Variants in HCN2 observed in about 807,000 individuals in gnomAD.
HCN2 encodes the protein potassium/sodium hyperpolarization-activated cyclic nucleotide-gated channel 2.
In HCN2, 20 loss-of-function variants were observed where a neutral mutation model predicts 52.3. The ratio of observed to expected loss-of-function variants is 0.38; its 90% CI spans 0.27 to 0.56. The LOEUF (loss-of-function observed/expected upper bound fraction) is 0.56, where lower values mean the gene tolerates loss of function less well. HCN2 is among the 20% of genes least tolerant of loss of function. The pLI is 0.71. For missense variants in HCN2, 981 were observed against 1,207.7 expected (o/e 0.81, Z 2.78); for synonymous variants, 694 against 537.0 (o/e 1.29, Z -4.04).
chr19:596,079 G>A (rs375953542), intron 1 of HCN2, among the ~76,000 whole-genome samples: 4 of 152,232 alleles, frequency 2.6e-5, no homozygotes, highest in Non-Finnish European at 4.4e-5. Context: ...TGGTGTCCTC[G>A]TGGGGTTTGG....
chr19:598,074 C>T (rs1441141702), intron 1 of HCN2, among the ~76,000 whole-genome samples: 1 of 152,154 alleles, frequency 6.6e-6, no homozygotes, highest in African/African-American at 2.4e-5. Context: ...ACGGTGAGCC[C>T]CCTCGGGGCT....
Position 615,725 on chromosome 19 carries a change from G to C in HCN2, c.1991-70G>C. ...ACTGTGTGCGCACCCGCGGTGCAGA[G>C]TAGGTGCTCGGTGCCCGCTGTACGC... is the stretch of plus-strand genomic sequence containing the variant. On this transcript the variant is annotated intron_variant, in intron 7 of 7. Transcript: ENST00000251287. 5.3e-6 allele frequency: 8 copies of C among 1,514,184 alleles called. No homozygotes were observed. In the South Asian group the frequency reaches 9.0e-5, roughly 17 times the overall value. 93.8% of individuals were successfully genotyped at this position (1,514,184 alleles called of 1,614,324 possible).
rs1397505754 is a variant in HCN2 at position 610,254 on chromosome 19, C to T, written c.1438-5C>T. 2 of 1,612,992 alleles carry T rather than the reference C, an allele frequency of 1.2e-6. No individual in the cohort carries two copies. Among genetic ancestry groups the T allele is most frequent in the Admixed American group, 1.7e-5 (1 of 59,990 alleles). ...GTCTGACCCAGCCTCGCCTCCTCCCCACAGTACAAGCAGGTGGAGCAGTAC... is the reference window on the plus strand; with the variant it reads ...GTCTGACCCAGCCTCGCCTCCTCCCTACAGTACAAGCAGGTGGAGCAGTAC... On this transcript the variant is annotated splice_polypyrimidine_tract_variant and splice_region_variant and intron_variant, in intron 4 of 7. Transcript: ENST00000251287.
intron 7 of HCN2, among the ~76,000 whole-genome samples, chr19:614,581 G>A (rs1316158038): frequency 6.6e-6 from 1 of 152,188 alleles, no homozygotes; most frequent in Non-Finnish European, 1.5e-5. Context: ...CACATCCCAA[G>A]GCCCTGAGGT....
chr19:605,053 T>C lies in HCN2; in HGVS notation c.1057-8T>C. 1.2e-6 allele frequency: 2 copies of C among 1,607,416 alleles called. No individual in the cohort carries two copies. Among genetic ancestry groups the C allele is most frequent in the Non-Finnish European group, 1.7e-6 (2 of 1,176,684 alleles). On this transcript the variant is annotated splice_polypyrimidine_tract_variant and splice_region_variant and intron_variant, in intron 2 of 7. Transcript: ENST00000251287. ...CGGGTAGGGTGGGCTCACGGCGCCT[T>C]CCTGCAGATCTTCCACATGACCTAT...
At chr19:612,777 T>C (rs1160461880) in intron 5 of HCN2, among the ~76,000 whole-genome samples, 6 of 149,700 alleles carry the variant, frequency 4.0e-5, no homozygotes, top group Admixed American at 6.7e-5. Flanking sequence ...GCGCTCAGGC[T>C]GGAGGGCAGT....
At chr19:600,465 C>T (rs1055754196) in intron 1 of HCN2, among the ~76,000 whole-genome samples, 50 of 152,254 alleles carry the variant, frequency 3.3e-4, no homozygotes, top group African/African-American at 1.9e-4. Flanking sequence ...CTCAGCCTCC[C>T]GAGTAGCTGG....
chr19:590,276 CCCGCGGGGCCCGAGG>C lies in HCN2; in HGVS notation c.332_346del (p.Pro111_Gly116delinsArg). 1.0e-5 allele frequency: 10 copies of C among 987,626 alleles called. No homozygotes were observed. Among genetic ancestry groups the C allele is most frequent in the Non-Finnish European group, 1.2e-5 (10 of 833,376 alleles). The allele number at this position is 987,626 out of a possible 1,614,324, so 61.2% of individuals were successfully genotyped here. A position where few individuals can be genotyped will look rare whatever the true frequency, so the allele number is the denominator to read the frequency against. On this transcript the variant is annotated inframe_deletion, in exon 1 of 8. Coordinates refer to ENST00000251287, the MANE Select transcript of HCN2 (RefSeq NM_001194.4). This position sits in a 1 kb window ranked among gnomAD's most constrained non-coding sequence, Gnocchi z 7.2. ...CGGGCGCGGCGAGCCGCAGTGCAGC[CCCGCGGGGCCCGAGG>C]GCCCGGCGCGGGGGCCCAAGGTGTC...
rs769756694 is a variant in HCN2 at position 615,775 on chromosome 19, T to A, written c.1991-20T>A. On this transcript the variant is annotated intron_variant, in intron 7 of 7. Coordinates refer to ENST00000251287, the MANE Select transcript of HCN2 (RefSeq NM_001194.4). Reference sequence around the variant, plus strand: ...CAGCAGGCGCTCCCTGTGCACACGCTAACGCCCCCTCTCCCGCAGGCAAGA... The same window carrying A: ...CAGCAGGCGCTCCCTGTGCACACGCAAACGCCCCCTCTCCCGCAGGCAAGA... 5 of 1,609,888 alleles carry A rather than the reference T, an allele frequency of 3.1e-6. No individual in the cohort carries two copies. In the East Asian group the frequency reaches 1.1e-4, roughly 36 times the overall value.
chr19:613,615 GGGGATGGGGATGGGGATGGGGCCGGGGAT>G, intron 6 of HCN2, 127 bp downstream of exon 6: 1 of 130,868 alleles, frequency 7.6e-6, no homozygotes, highest in East Asian at 1.2e-4. Flanking sequence ...GGCCGGGGAT[GGGGATGGGGATGGGGATGGGGCCGGGGAT>G]GGGGATGGGG....
chr19:612,504 C>T (rs1189722072), intron 5 of HCN2, among the ~76,000 whole-genome samples: 1 of 151,882 alleles, frequency 6.6e-6, no homozygotes, highest in African/African-American at 2.4e-5. Context: ...TAACCTCCTC[C>T]TCCCGGGTTC....
rs145575878 is a variant in HCN2 at position 613,976 on chromosome 19, C to G, written c.1950C>G (p.Arg650=). The change falls in exon 7 of 8, where the codon CGC becomes CGG. Residue 650 remains arginine (R), a synonymous_variant. Coordinates refer to ENST00000251287, the MANE Select transcript of HCN2 (RefSeq NM_001194.4). ...EVLEEYPMMR[R]AFETVAIDRL... ...TGGAGGAGTACCCCATGATGCGGCGCGCCTTCGAGACGGTGGCCATCGACC... is the reference window on the plus strand; with the variant it reads ...TGGAGGAGTACCCCATGATGCGGCGGGCCTTCGAGACGGTGGCCATCGACC... 6 of 1,599,430 alleles carry G rather than the reference C, an allele frequency of 3.8e-6. No homozygotes were observed. Among genetic ancestry groups the G allele is most frequent in the East Asian group, 2.3e-5 (1 of 44,406 alleles).
Position 604,048 on chromosome 19 carries a change from G to A in HCN2, c.1056+81G>A, listed in dbSNP as rs564460148. 5.7e-4 allele frequency: 640 copies of A among 1,120,974 alleles called. 9 individuals carry two copies. Among genetic ancestry groups the A allele is most frequent in the Middle Eastern group, 3.7e-3 (12 of 3,236 alleles). The allele number at this position is 1,120,974 out of a possible 1,614,324, so 69.4% of individuals were successfully genotyped here. On this transcript the variant is annotated intron_variant, in intron 2 of 7. Coordinates refer to ENST00000251287, the MANE Select transcript of HCN2 (RefSeq NM_001194.4). The stretch of plus-strand genomic sequence containing the variant: ...TGGGCGGGGCCAAGGCAGCAGGGGC[G>A]GGGCTATAATGGTGCATGGGTGGGG...
chr19:608,109 A>T lies in HCN2; in HGVS notation c.1364A>T (p.Tyr455Phe), dbSNP rs1275953983. 6.2e-7 allele frequency: 1 copy of T among 1,613,290 alleles called. No homozygotes were observed. Among genetic ancestry groups the T allele is most frequent in the East Asian group, 2.2e-5 (1 of 44,886 alleles). The part of the protein sequence containing the change: ...MLSMIVGATC[Y>F]AMFIGHATAL... ...AGCATGATTGTGGGTGCCACCTGCT[A>T]CGCCATGTTCATCGGCCACGCCACT... Residue 455 changes from tyrosine to phenylalanine, a missense_variant, in exon 4 of 8, where the codon TAC becomes TTC. Tyr to Phe is a conservative substitution (Grantham distance 22). Transcript: ENST00000251287.
Position 590,035 on chromosome 19 carries a change from C to A in HCN2, c.90C>A (p.Pro30=). Residue 30 remains proline (P), a synonymous_variant, in exon 1 of 8, where the codon CCC becomes CCA. Coordinates refer to ENST00000251287, the MANE Select transcript of HCN2 (RefSeq NM_001194.4). This position sits in a 1 kb window ranked among gnomAD's most constrained non-coding sequence, Gnocchi z 7.2. ...PGPPPPPPPA[P]PQQQPPPPPP... ...CGCCGCCGCCGCCGCCGCCCGCGCC[C>A]CCCCAACAGCAGCCGCCGCCGCCGC... The A allele has an allele frequency of 3.4e-6, 2 of 595,632 alleles. No individual in the cohort carries two copies. Among genetic ancestry groups the A allele is most frequent in the Non-Finnish European group, 4.1e-6 (2 of 483,526 alleles). The allele number at this position is 595,632 out of a possible 1,614,324, so 36.9% of individuals were successfully genotyped here.
At chr19:595,071 G>T (rs111724200) in intron 1 of HCN2, among the ~76,000 whole-genome samples, 1 of 151,774 alleles carries the variant, frequency 6.6e-6, no homozygotes, top group Non-Finnish European at 1.5e-5. Flanking sequence ...GCGTGGTGGC[G>T]TGCACCTGTA....
chr19:610,912 C>A (rs535042333), intron 5 of HCN2, among the ~76,000 whole-genome samples: 1 of 151,822 alleles, frequency 6.6e-6, no homozygotes, highest in Admixed American at 6.5e-5. Flanking sequence ...CCGGGCCGTG[C>A]TACCCCCCCG....
At position 616,590 on chromosome 19, in the gene HCN2, C is replaced by T. The variant is rs1328969655; in HGVS notation, c.*116C>T. On this transcript the variant is annotated 3_prime_UTR_variant, in exon 8 of 8. Coordinates refer to ENST00000251287, the MANE Select transcript of HCN2 (RefSeq NM_001194.4). ...GTCCGCCCAGAAGCCATAGACGAGA[C>T]GTAGGTAGCCGTAGTTGGACGGACG... The T allele has an allele frequency of 3.5e-6, 2 of 570,982 alleles. No individual in the cohort carries two copies. Among genetic ancestry groups the T allele is most frequent in the Non-Finnish European group, 4.8e-6 (2 of 419,622 alleles). The allele number at this position is 570,982 out of a possible 1,614,324, so 35.4% of individuals were successfully genotyped here.
In HCN2 at chr19:592,190, G is replaced by A. The variant is rs959291824; in HGVS notation, c.632+1613G>A. Among the ~76,000 whole-genome samples the A allele has an allele frequency of 3.3e-5, 5 of 152,218 alleles. No homozygotes were observed. The highest frequency in any genetic ancestry group is 1.9e-4 in the East Asian group (1 of 5,198). On this transcript the variant is annotated intron_variant, in intron 1 of 7. Coordinates refer to ENST00000251287, the MANE Select transcript of HCN2 (RefSeq NM_001194.4). This position sits in a 1 kb window ranked among gnomAD's most constrained non-coding sequence, Gnocchi z 4.8. ...TGGCACCCCCTGACCGGAGAGGGAC[G>A]CGGTGGAGAGGGAGCTGTAGAACGT...
Sources: gnomAD v4.1 joint callset for allele counts (sites outside exome capture counted in the v4.1 genomes callset) on GRCh38, gnomAD v4.1.1 for gene constraint, Gnocchi (gnomAD v3.1) non-coding constraint, MANE v1.5 for transcripts, NCBI Gene and HGNC (gene_info 2026-07-23, HGNC 2026-07-21) for gene names.